Variants in AOPEP observed in about 807,000 individuals in gnomAD.
AOPEP encodes the protein aminopeptidase O.
Under a neutral mutation model 98.1 loss-of-function variants are expected in AOPEP, and 77 were observed. The ratio of observed to expected loss-of-function variants is 0.78; its 90% CI spans 0.65 to 0.95. AOPEP has a LOEUF of 0.95. AOPEP is among the 40% of genes least tolerant of loss of function. The pLI, the probability that AOPEP is intolerant of heterozygous loss-of-function variation, is 0.00. For missense variants in AOPEP, 1,024 were observed against 1,024.7 expected (o/e 1.00, Z 0.01); for synonymous variants, 346 against 365.3 (o/e 0.95, Z 0.60).
At chr9:94,945,027 A>AT (rs1305455050) in intron 7 of AOPEP, among the ~76,000 whole-genome samples, 2 of 152,148 alleles carry the variant, frequency 1.3e-5, no homozygotes, top group East Asian at 3.9e-4. Context: ...GGAAAAAGAA[A>AT]TTAGGGCAGG....
chr9:95,091,240 G>T (rs554827045), downstream of AOPEP, among the ~76,000 whole-genome samples: 1 of 152,166 alleles, frequency 6.6e-6, no homozygotes, highest in Non-Finnish European at 1.5e-5. Context: ...GTGGGGGTGA[G>T]GGGAGGTGCT....
downstream of AOPEP, among the ~76,000 whole-genome samples, chr9:95,091,776 G>C (rs1564629084): frequency 2.0e-5 from 3 of 152,150 alleles, no homozygotes; most frequent in African/African-American, 2.4e-5. Flanking sequence ...TAACTAGACG[G>C]TGTGAGAAAG....
chr9:94,885,988 ACCATTGTAAAAT>A (rs1451301826), intron 5 of AOPEP, among the ~76,000 whole-genome samples: 3 of 152,122 alleles, frequency 2.0e-5, no homozygotes, highest in African/African-American at 7.3e-5. Context: ...CAACTGACCC[ACCATTGTAAAAT>A]CCATATTTAC....
intron 4 of AOPEP, among the ~76,000 whole-genome samples, chr9:94,794,522 C>G (rs951474814): frequency 1.3e-5 from 2 of 152,152 alleles, no homozygotes; most frequent in Non-Finnish European, 2.9e-5. Context: ...AGAGATGAAG[C>G]TATGTTCTCT....
chr9:95,112,664 G>A, the AOPEP span, among the ~76,000 whole-genome samples: 33 of 152,224 alleles, frequency 2.2e-4, no homozygotes, highest in Admixed American at 9.2e-4. Flanking sequence ...GATGCACAGA[G>A]CAGTGAGGCT....
intron 5 of AOPEP, among the ~76,000 whole-genome samples, chr9:94,857,543 T>A (rs967440175): frequency 6.6e-6 from 1 of 152,230 alleles, no homozygotes; most frequent in East Asian, 1.9e-4. Context: ...CTTCTCAGTG[T>A]ATCTCACCTT....
intron 10 of AOPEP, among the ~76,000 whole-genome samples, chr9:94,970,976 A>C (rs1283880263): frequency 2.6e-5 from 4 of 152,322 alleles, no homozygotes; most frequent in African/African-American, 7.2e-5. Context: ...CTTTCAAAAG[A>C]ACTTCTTAGG....
At chr9:94,955,411 G>T in intron 8 of AOPEP, 132 bp downstream of exon 8, 1 of 613,018 alleles carries the variant, frequency 1.6e-6, no homozygotes, top group Admixed American at 3.3e-5. Flanking sequence ...CCAGATATCT[G>T]AGCGTTCAGT....
At chr9:94,817,267 A>G (rs1225898405) in intron 5 of AOPEP, among the ~76,000 whole-genome samples, 1 of 152,166 alleles carries the variant, frequency 6.6e-6, no homozygotes, top group Non-Finnish European at 1.5e-5. Context: ...GGCCTCCCAC[A>G]GTGCTAGGAT....
At chr9:94,792,619 C>T (rs1845984803) in intron 3 of AOPEP, 146 bp from the exon 4 acceptor site, 11 of 663,424 alleles carry the variant, frequency 1.7e-5, no homozygotes, top group Non-Finnish European at 2.7e-5. Context: ...CTGAAATGTG[C>T]CCTTTCTGCT....
intron 5 of AOPEP, among the ~76,000 whole-genome samples, chr9:94,902,909 A>C (rs1275911796): frequency 3.3e-5 from 5 of 151,476 alleles, no homozygotes; most frequent in Non-Finnish European, 7.4e-5. Context: ...TACAAAGTTC[A>C]CTGGTGTGGT....
At chr9:94,956,117 C>T in intron 9 of AOPEP, 102 bp downstream of exon 9, 2 of 680,498 alleles carry the variant, frequency 2.9e-6, no homozygotes, top group Non-Finnish European at 5.0e-6. Flanking sequence ...AAAGGTTTCC[C>T]ATTTAATGCA....
rs750591116 is a variant in AOPEP at position 94,792,927 on chromosome 9, T to C, written c.1118+9T>C. ...TCTGAGGCCAACTTCAGGTTTGTGT[T>C]TGGGGACTTGCTGGGAAGGAAAAAA... is the stretch of plus-strand genomic sequence containing the variant. On this transcript the variant is annotated intron_variant, in intron 4 of 16. Coordinates refer to ENST00000375315, the MANE Select transcript of AOPEP (RefSeq NM_001193329.3). The C allele has an allele frequency of 1.6e-5, 25 of 1,586,430 alleles. No homozygotes were observed. The South Asian group carries it at 2.3e-4, about 14-fold the overall frequency.
At chr9:95,028,578 G>A (rs2133321279) in intron 13 of AOPEP, among the ~76,000 whole-genome samples, 1 of 152,334 alleles carries the variant, frequency 6.6e-6, no homozygotes, top group Non-Finnish European at 1.5e-5. Flanking sequence ...TGGGAAGATT[G>A]TATTTTGTTG....
At chr9:94,983,836 A>C (rs2060344004) in intron 11 of AOPEP, among the ~76,000 whole-genome samples, 1 of 151,208 alleles carries the variant, frequency 6.6e-6, no homozygotes, top group African/African-American at 2.4e-5. Flanking sequence ...TATCTGTCCC[A>C]TGCCGTCCCC....
At chr9:94,907,079 A>C (rs1186016237) in intron 5 of AOPEP, among the ~76,000 whole-genome samples, 2 of 152,204 alleles carry the variant, frequency 1.3e-5, no homozygotes, top group East Asian at 3.8e-4. Flanking sequence ...CGAAGGGAAC[A>C]AAAGGCCACC....
intron 13 of AOPEP, among the ~76,000 whole-genome samples, chr9:95,035,417 T>C (rs2064715200): frequency 6.6e-6 from 1 of 151,910 alleles, no homozygotes; most frequent in Non-Finnish European, 1.5e-5. Context: ...TAAAGGTATC[T>C]AAGGTGGGTA....
At chr9:95,043,391 C>T (rs974741464) in intron 13 of AOPEP, among the ~76,000 whole-genome samples, 2 of 151,838 alleles carry the variant, frequency 1.3e-5, no homozygotes, top group Admixed American at 6.6e-5. Context: ...GCTAACATGC[C>T]AACTGCTGAC....
At chr9:94,833,862 T>C (rs1015587532) in intron 5 of AOPEP, among the ~76,000 whole-genome samples, 3 of 151,932 alleles carry the variant, frequency 2.0e-5, no homozygotes, top group Non-Finnish European at 4.4e-5. Context: ...CTTTATAGAA[T>C]GTAGCTAATA....
Sources: allele counts gnomAD v4.1 joint callset (sites outside exome capture counted in the v4.1 genomes callset), GRCh38; gene constraint gnomAD v4.1.1; transcripts MANE v1.5; gene names NCBI Gene and HGNC (gene_info 2026-07-23, HGNC 2026-07-21).